The following AHNAK2 variants were observed in gnomAD, a reference collection of about 807,000 sequenced individuals.
The protein encoded by AHNAK2 is AHNAK nucleoprotein 2.
A neutral mutation model predicts 30.7 loss-of-function variants in AHNAK2; 18 were observed. That is an observed-to-expected ratio of 0.59 (90% CI 0.41 to 0.87). AHNAK2 has a LOEUF of 0.87. Among genes scored for constraint, AHNAK2 ranks in the 40% least tolerant of loss-of-function variants. The probability of loss-of-function intolerance (pLI) is 0.00; values close to 1 mark genes in which losing one functional copy is unlikely to be tolerated. For synonymous variants in AHNAK2, 3,590 were observed against 3,073.8 expected, an observed-to-expected ratio of 1.17 and a Z score of -5.56; for missense variants, 8,604 against 7,373.0, an observed-to-expected ratio of 1.17 and a Z score of -6.11.
At chr14:104,970,863 C>T (rs1179274109) in intron 1 of AHNAK2, among the ~76,000 whole-genome samples, 4 of 152,168 alleles carry the variant, frequency 2.6e-5, no homozygotes, top group Non-Finnish European at 5.9e-5. Context: ...TAGGCAGGCT[C>T]TGCACAAACC....
rs776017856 is a variant in AHNAK2, at chr14:104,939,922, C to T, written c.15529G>A (p.Glu5177Lys). ...GAGTACTTGGTCATGGCTTCCTCCTCTGGGCTTTCCACTGTGAGGACTTCA... is the reference window on the plus strand; with the variant it reads ...GAGTACTTGGTCATGGCTTCCTCCTTTGGGCTTTCCACTGTGAGGACTTCA... Reference protein sequence around the residue: ...DAEVLTVESPEEEAMTKYSQE... With the variant: ...DAEVLTVESPKEEAMTKYSQE... Residue 5177 changes from glutamate to lysine, a missense_variant, in exon 7 of 7, where the codon GAG becomes AAG. By Grantham distance (56) the Glu-to-Lys change is moderately conservative. Transcript: ENST00000333244. 6.2e-7 allele frequency: 1 copy of T among 1,612,650 alleles called. No individual in the cohort carries two copies. The highest frequency in any genetic ancestry group is 1.1e-5 in the South Asian group (1 of 91,090).
At chr14:104,964,580 T>TA (rs917466115) in intron 1 of AHNAK2, among the ~76,000 whole-genome samples, 6 of 151,182 alleles carry the variant, frequency 4.0e-5, no homozygotes, top group Non-Finnish European at 7.4e-5. Context: ...AACAGTAGAA[T>TA]AAAAAAAAAT....
At position 104,952,773 on chromosome 14, in the gene AHNAK2, T is replaced by A; in HGVS notation, c.2678A>T (p.Gln893Leu). ...IQPPSADLEVQAGQVDVKLPE... is the reference protein window; with the variant it reads ...IQPPSADLEVLAGQVDVKLPE... ...AAGTTTCACATCCACTTGGCCAGCC[T>A]GGACCTCCAGGTCAGCGGAAGGGGG... The change falls in exon 7 of 7, where the codon CAG becomes CTG. Residue 893 changes from glutamine (Q) to leucine (L), a missense_variant. Physicochemically the swap from Gln to Leu is moderately radical, Grantham distance 113. Coordinates refer to ENST00000333244, the MANE Select transcript of AHNAK2 (RefSeq NM_138420.4). 1 of 1,612,586 alleles carries A rather than the reference T, an allele frequency of 6.2e-7. No individual in the cohort carries two copies. The highest frequency in any genetic ancestry group is 8.5e-7 in the Non-Finnish European group (1 of 1,179,566).
chr14:104,939,551 A>G lies in AHNAK2; in HGVS notation c.15900T>C (p.His5300=). 1.2e-6 allele frequency: 2 copies of G among 1,613,822 alleles called. No homozygotes were observed. The highest frequency in any genetic ancestry group is 1.7e-6 in the Non-Finnish European group (2 of 1,179,870). Residue 5300 remains histidine (H), a synonymous_variant, in exon 7 of 7, where the codon CAT becomes CAC. Transcript: ENST00000333244. ...DELSTSEVRI[H]PSKGPLPFQM... is the part of the protein sequence containing the mutation. ...GAAAAGGGAGAGGTCCTTTGGATGG[A>G]TGGATCCTGACCTCAGAAGTGGAAA...
chr14:104,949,409 A>T lies in AHNAK2; in HGVS notation c.6042T>A (p.Pro2014=), dbSNP rs1240491088. Residue 2014 remains proline (P), a synonymous_variant, in exon 7 of 7, where the codon CCT becomes CCA. Coordinates refer to ENST00000333244, the MANE Select transcript of AHNAK2 (RefSeq NM_138420.4). The part of the protein sequence containing the change: ...GRSIEASVDV[P]APKVEADVSL... ...TCACGTCGGCCTCCACCTTGGGTGC[A>T]GGCACATCCACCGAGGCCTCGATGG... is the stretch of plus-strand genomic sequence containing the variant. 1.3e-6 allele frequency: 2 copies of T among 1,584,758 alleles called. No individual in the cohort carries two copies. Among genetic ancestry groups the T allele is most frequent in the Admixed American group, 3.5e-5 (2 of 57,112 alleles).
chr14:104,944,927 G>A lies in AHNAK2; in HGVS notation c.10524C>T (p.Ser3508=), dbSNP rs184626191. 9.1e-4 allele frequency: 1,465 copies of A among 1,612,566 alleles called. 17 individuals are homozygous for A. The African/African-American group carries it at 0.018, about 20-fold the overall frequency. ...TGAGGTCCCCCTGCATGGAGGAGAG[G>A]CTCACGTCGGCCTCCACCTTCGGCG... ...VSAPKVEADV[S]LSSMQGDLKA... is the part of the protein sequence containing the mutation. The change falls in exon 7 of 7, where the codon AGC becomes AGT. Residue 3508 remains serine, a synonymous_variant. Coordinates refer to ENST00000333244, the MANE Select transcript of AHNAK2 (RefSeq NM_138420.4).
At chr14:104,968,344 C>T (rs2140881224) in intron 1 of AHNAK2, among the ~76,000 whole-genome samples, 1 of 152,208 alleles carries the variant, frequency 6.6e-6, no homozygotes, top group African/African-American at 2.4e-5. Flanking sequence ...TGGCGCAGGG[C>T]CTGAGCAGGC....
rs1047596607 is a variant in AHNAK2, at chr14:104,966,221, C to T, written c.56-8549G>A. ...CATCAACACTCACCCCCACGTCATC[C>T]CGGCCCCGCCACCTTCCTACTGCTC... On this transcript the variant is annotated intron_variant, in intron 1 of 6. Coordinates refer to ENST00000333244, the MANE Select transcript of AHNAK2 (RefSeq NM_138420.4). The surrounding 1 kb of genome is among the most constrained non-coding windows in gnomAD (Gnocchi z 4.3). Among the ~76,000 whole-genome samples the T allele has an allele frequency of 1.3e-5, 2 of 152,092 alleles. No individual in the cohort carries two copies. The highest frequency in any genetic ancestry group is 4.8e-5 in the African/African-American group (2 of 41,392).
intron 1 of AHNAK2, among the ~76,000 whole-genome samples, chr14:104,973,315 G>C (rs983391640): frequency 6.6e-6 from 1 of 152,232 alleles, no homozygotes; most frequent in Non-Finnish European, 1.5e-5. Context: ...GCCAGGGAGG[G>C]CTGAGGGCAG....
rs745985994 is a variant in AHNAK2, at chr14:104,942,760, G to A, written c.12691C>T (p.Leu4231Phe). 1.9e-6 allele frequency: 3 copies of A among 1,612,946 alleles called. No homozygotes were observed. The highest frequency in any genetic ancestry group is 3.3e-5 in the Admixed American group (2 of 59,948). The change falls in exon 7 of 7, where the codon CTC becomes TTC. Residue 4231 changes from leucine to phenylalanine, a missense_variant. Physicochemically the swap from Leu to Phe is conservative, Grantham distance 22. Coordinates refer to ENST00000333244, the MANE Select transcript of AHNAK2 (RefSeq NM_138420.4). ...TTGACATCCACCTGGGGGCCCTTGA[G>A]GGCCACTTTGGGCATCTTCAAACAG... ...MPCLKMPKVA[L>F]KGPQVDVKGP... is the part of the protein sequence containing the mutation.
rs761560885 is a variant in AHNAK2, at chr14:104,944,768, C to T, written c.10683G>A (p.Met3561Ile). 1.1e-5 allele frequency: 17 copies of T among 1,612,494 alleles called. No individual in the cohort carries two copies. Among genetic ancestry groups the T allele is most frequent in the Non-Finnish European group, 1.4e-5 (17 of 1,179,368 alleles). The change falls in exon 7 of 7, where the codon ATG becomes ATA. Residue 3561 changes from methionine to isoleucine, a missense_variant. Met to Ile is a conservative substitution (Grantham distance 10). Coordinates refer to ENST00000333244, the MANE Select transcript of AHNAK2 (RefSeq NM_138420.4). ...GLKGHLPKVE[M>I]PSLKTPKVDL... Reference sequence around the variant, plus strand: ...CCACTTTGGGCGTCTTTAAACTGGGCATCTCCACTTTGGGCAGGTGCCCTT... The same window carrying T: ...CCACTTTGGGCGTCTTTAAACTGGGTATCTCCACTTTGGGCAGGTGCCCTT...
chr14:104,974,311 G>A (rs1435586995), intron 1 of AHNAK2, among the ~76,000 whole-genome samples: 1 of 152,232 alleles, frequency 6.6e-6, no homozygotes, highest in African/African-American at 2.4e-5. Flanking sequence ...CCACGGAGCA[G>A]CTTCCTTCCC....
In AHNAK2 at chr14:104,948,817, C is replaced by A. The variant is rs772072447; in HGVS notation, c.6634G>T (p.Val2212Phe). The stretch of plus-strand genomic sequence containing the variant: ...TTCACGTCCACCTGGCCAGCCTGGA[C>A]CTTCACGTCGGCGGAAAGGGGCTGA... ...SIQPLSADVK[V>F]QAGQVDVKLL... is the part of the protein sequence containing the mutation. Residue 2212 changes from valine (V) to phenylalanine (F), a missense_variant, in exon 7 of 7, where the codon GTC becomes TTC. Transcript: ENST00000333244. 43 of 1,612,374 alleles carry A rather than the reference C, an allele frequency of 2.7e-5. No individual in the cohort carries two copies. The highest frequency in any genetic ancestry group is 1.5e-4 in the Admixed American group (9 of 59,886).
In AHNAK2 at chr14:104,951,383, G is replaced by C. The variant is rs372795558; in HGVS notation, c.4068C>G (p.Pro1356=). 2.8e-4 allele frequency: 304 copies of C among 1,072,992 alleles called. 116 individuals are homozygous for C. Among genetic ancestry groups the C allele is most frequent in the Non-Finnish European group, 3.4e-4 (253 of 738,638 alleles). The allele number at this position is 1,072,992 out of a possible 1,614,324, so 66.5% of individuals were successfully genotyped here. A position where few individuals can be genotyped will look rare whatever the true frequency, so the allele number is the denominator to read the frequency against. Reference sequence around the variant, plus strand: ...GGAGGCTCATGTCGGCCTCCACCTTGGGTGCAGACAGGTCCACGGAGGCCT... The same window carrying C: ...GGAGGCTCATGTCGGCCTCCACCTTCGGTGCAGACAGGTCCACGGAGGCCT... ...SIEASVDLSA[P]KVEADMSLPS... The change falls in exon 7 of 7, where the codon CCC becomes CCG. Residue 1356 remains proline (P), a synonymous_variant. Coordinates refer to ENST00000333244, the MANE Select transcript of AHNAK2 (RefSeq NM_138420.4).
At position 104,942,751 on chromosome 14, in the gene AHNAK2, G is replaced by A. The variant is rs1196393266; in HGVS notation, c.12700C>T (p.Pro4234Ser). 1 of 1,613,110 alleles carries A rather than the reference G, an allele frequency of 6.2e-7. No homozygotes were observed. The highest frequency in any genetic ancestry group is 1.1e-5 in the South Asian group (1 of 91,048). ...TTGGGGCCCTTGACATCCACCTGGG[G>A]GCCCTTGAGGGCCACTTTGGGCATC... ...LKMPKVALKG[P>S]QVDVKGPKLD... The change falls in exon 7 of 7, where the codon CCC (proline) becomes TCC (serine). Residue 4234 changes from proline to serine, a missense_variant. Physicochemically the swap from Pro to Ser is moderately conservative, Grantham distance 74. Coordinates refer to ENST00000333244, the MANE Select transcript of AHNAK2 (RefSeq NM_138420.4).
chr14:104,965,563 G>A (rs1345111934), intron 1 of AHNAK2, among the ~76,000 whole-genome samples: 1 of 152,164 alleles, frequency 6.6e-6, no homozygotes, highest in Non-Finnish European at 1.5e-5. Context: ...CTGGCGCCCT[G>A]GCCTGGGCTC....
Position 104,950,153 on chromosome 14 carries a change from G to T in AHNAK2, c.5298C>A (p.Pro1766=). 5 of 1,586,296 alleles carry T rather than the reference G, an allele frequency of 3.2e-6. 1 individual carries two copies. Among genetic ancestry groups the T allele is most frequent in the Non-Finnish European group, 4.3e-6 (5 of 1,162,906 alleles). ...LKGPQMDVKG[P]KLDLKGPKAE... is the part of the protein sequence containing the mutation. ...CCTTGGGGCCTTTCAGGTCCAGCTT[G>T]GGGCCCTTGACGTCCATCTGGGGGC... Residue 1766 remains proline (P), a synonymous_variant, in exon 7 of 7, where the codon CCC becomes CCA. Transcript: ENST00000333244.
chr14:104,941,041 A>G lies in AHNAK2; in HGVS notation c.14410T>C (p.Leu4804=). The G allele has an allele frequency of 6.2e-7, 1 of 1,613,614 alleles. No individual in the cohort carries two copies. Among genetic ancestry groups the G allele is most frequent in the Non-Finnish European group, 8.5e-7 (1 of 1,179,890 alleles). Residue 4804 remains leucine (L), a synonymous_variant, in exon 7 of 7, where the codon TTG becomes CTG. Coordinates refer to ENST00000333244, the MANE Select transcript of AHNAK2 (RefSeq NM_138420.4). ...KYQVTVPRAA[L]APELALEIPS... ...ATTTCCAGAGCAAGCTCAGGGGCCAAGGCAGCTCTGGGAACAGTCACCTGG... is the reference window on the plus strand; with the variant it reads ...ATTTCCAGAGCAAGCTCAGGGGCCAGGGCAGCTCTGGGAACAGTCACCTGG...
At chr14:104,975,241 C>A (rs188573342) in intron 1 of AHNAK2, among the ~76,000 whole-genome samples, 4 of 152,178 alleles carry the variant, frequency 2.6e-5, no homozygotes, top group African/African-American at 7.2e-5. Flanking sequence ...GGAGGCTCTG[C>A]GGGCTTGACC....
Sources: gnomAD v4.1 joint callset for allele counts (sites outside exome capture counted in the v4.1 genomes callset) on GRCh38, gnomAD v4.1.1 for gene constraint, Gnocchi (gnomAD v3.1) non-coding constraint, MANE v1.5 for transcripts, NCBI Gene and HGNC (gene_info 2026-07-23, HGNC 2026-07-21) for gene names.